PLAGL1: variants seen among roughly 807,000 people sequenced by gnomAD.
The protein encoded by PLAGL1 is PLAG1 like zinc finger 1.
A neutral mutation model predicts 4.6 loss-of-function variants in PLAGL1; 1 was observed. The observed-to-expected ratio is 0.22, with a 90% CI of 0.08 to 1.03. PLAGL1 has a LOEUF of 1.03. PLAGL1 is among the 50% of genes least tolerant of loss of function. PLAGL1 has a pLI of 0.58. For synonymous variants in PLAGL1, 240 were observed against 237.8 expected, an observed-to-expected ratio of 1.01 and a Z score of -0.08; for missense variants, 464 against 570.4, an observed-to-expected ratio of 0.81 and a Z score of 1.90.
chr6:143,996,515 G>A (rs1172037392), intron 1 of PLAGL1, among the ~76,000 whole-genome samples: 1 of 152,078 alleles, frequency 6.6e-6, no homozygotes, highest in East Asian at 1.9e-4. Flanking sequence ...GTCCCTTGAA[G>A]ATAAAGGTTG....
rs1180311586 is a variant in PLAGL1 at position 143,952,140 on chromosome 6, TACA to T, written c.-324-3683_-324-3681del. Among the ~76,000 whole-genome samples, 3 of 152,196 alleles carry T rather than the reference TACA, an allele frequency of 2.0e-5. No individual in the cohort carries two copies. The highest frequency in any genetic ancestry group is 4.4e-5 in the Non-Finnish European group (3 of 68,040). On this transcript the variant is annotated intron_variant, in intron 6 of 7. Transcript: ENST00000674357. The surrounding 1 kb of genome is among the most constrained non-coding windows in gnomAD (Gnocchi z 6.1). ...AACAACAACAACAACTGTGGGTATA[TACA>T]ACATCTCTCATCACCACGCACTTGA... is the stretch of plus-strand genomic sequence containing the variant.
At chr6:143,944,081 G>A (rs1583033493) in intron 7 of PLAGL1, among the ~76,000 whole-genome samples, 1 of 152,312 alleles carries the variant, frequency 6.6e-6, no homozygotes, top group East Asian at 1.9e-4. Flanking sequence ...TAGGGGTTTT[G>A]TCACGAGAGG....
Position 144,027,291 on chromosome 6 carries a change from G to GAAAGAAAGAAAGAAAGAA in PLAGL1, c.-151+37176_-151+37177insTTCTTTCTTTCTTTCTTT, listed in dbSNP as rs1562587706. On this transcript the variant is annotated intron_variant, in intron 1 of 3. Transcript: ENST00000437412. The surrounding 1 kb of genome is among the most constrained non-coding windows in gnomAD (Gnocchi z 5.8). ...AGAAAGAAAGAAAGAAAGAAAGAAAGAAAGTTATTTGATCTGAAGTACAAT... is the reference window on the plus strand; with the variant it reads ...AGAAAGAAAGAAAGAAAGAAAGAAAGAAAGAAAGAAAGAAAGAAAAAGTTATTTGATCTGAAGTACAAT... Among the ~76,000 whole-genome samples the GAAAGAAAGAAAGAAAGAA allele has an allele frequency of 2.0e-5, 3 of 147,820 alleles. No homozygotes were observed. The highest frequency in any genetic ancestry group is 7.4e-5 in the African/African-American group (3 of 40,504).
At chr6:144,049,609 A>T (rs1002702607) in intron 1 of PLAGL1, among the ~76,000 whole-genome samples, 1 of 152,002 alleles carries the variant, frequency 6.6e-6, no homozygotes, top group African/African-American at 2.4e-5. Context: ...AAACCATCAG[A>T]TCTTGTGAGA....
At chr6:144,060,066 T>TTTTTTTTTTTTTTG (rs1562622602) in intron 1 of PLAGL1, among the ~76,000 whole-genome samples, 1 of 151,520 alleles carries the variant, frequency 6.6e-6, no homozygotes, top group African/African-American at 2.4e-5. Flanking sequence ...TTTTTTTTTT[T>TTTTTTTTTTTTTTG]AAATAGGGTC....
Position 143,945,454 on chromosome 6 carries a change from A to AT in PLAGL1, c.152+2530dup, listed in dbSNP as rs1779543968. Among the ~76,000 whole-genome samples the AT allele has an allele frequency of 1.3e-5, 2 of 151,986 alleles. No individual in the cohort carries two copies. The highest frequency in any genetic ancestry group is 6.5e-5 in the Admixed American group (1 of 15,280). On this transcript the variant is annotated intron_variant, in intron 7 of 7. Coordinates refer to ENST00000674357, the MANE Select transcript of PLAGL1 (RefSeq NM_001317162.2). The surrounding 1 kb of genome is among the most constrained non-coding windows in gnomAD (Gnocchi z 4.2). ...TGTTTTCTGGTTAAGCAAGTCAGTTATTTTTTCCTTCAACCTCTGTTGCCT... is the reference window on the plus strand; with the variant it reads ...TGTTTTCTGGTTAAGCAAGTCAGTTATTTTTTTCCTTCAACCTCTGTTGCCT...
rs1264511719 is a variant in PLAGL1, at chr6:144,000,247, A to C, written c.-584+7843T>G. ...CCCATGATCAGTACCACTATTCTTC[A>C]TTGTACTGGTTGTCCTAGCCAGTGA... On this transcript the variant is annotated intron_variant, in intron 1 of 7. Transcript: ENST00000674357. This position sits in a 1 kb window ranked among gnomAD's most constrained non-coding sequence, Gnocchi z 4.1. 6.6e-6 allele frequency among the ~76,000 whole-genome samples: 1 copy of C among 152,188 alleles called. No individual in the cohort carries two copies. Among genetic ancestry groups the C allele is most frequent in the African/African-American group, 2.4e-5 (1 of 41,458 alleles).
At position 144,053,204 on chromosome 6, in the gene PLAGL1, G is replaced by T. The variant is rs1353102601; in HGVS notation, c.-151+11264C>A. On this transcript the variant is annotated intron_variant, in intron 1 of 3. Transcript: ENST00000437412. The surrounding 1 kb of genome is among the most constrained non-coding windows in gnomAD (Gnocchi z 4.0). ...GGCTGGAGTGCAGTGGCGCAATTTT[G>T]GCTTACTGCAACCTCTGCCTCCCGG... is the stretch of plus-strand genomic sequence containing the variant. Among the ~76,000 whole-genome samples the T allele has an allele frequency of 6.6e-6, 1 of 152,090 alleles. No individual in the cohort carries two copies. The highest frequency in any genetic ancestry group is 2.4e-5 in the African/African-American group (1 of 41,400).
At position 143,942,936 on chromosome 6, in the gene PLAGL1, G is replaced by T. The variant is rs1253096810; in HGVS notation, c.153-273C>A. ...GCTGGAGTGCAGTGGCACGATCATGGCTCACTGCAGCCTCAACGTCCTGGG... is the reference window on the plus strand; with the variant it reads ...GCTGGAGTGCAGTGGCACGATCATGTCTCACTGCAGCCTCAACGTCCTGGG... On this transcript the variant is annotated intron_variant, in intron 7 of 7. Coordinates refer to ENST00000674357, the MANE Select transcript of PLAGL1 (RefSeq NM_001317162.2). This position sits in a 1 kb window ranked among gnomAD's most constrained non-coding sequence, Gnocchi z 7.6. 1.3e-5 allele frequency among the ~76,000 whole-genome samples: 2 copies of T among 151,842 alleles called. No individual in the cohort carries two copies. Among genetic ancestry groups the T allele is most frequent in the Non-Finnish European group, 2.9e-5 (2 of 68,000 alleles).
In PLAGL1 at chr6:144,039,671, G is replaced by A. The variant is rs778035603; in HGVS notation, c.-151+24797C>T. 1.3e-5 allele frequency among the ~76,000 whole-genome samples: 2 copies of A among 152,146 alleles called. No individual in the cohort carries two copies. Among genetic ancestry groups the A allele is most frequent in the African/African-American group, 4.8e-5 (2 of 41,438 alleles). Reference sequence around the variant, plus strand: ...CAAGGAGAGATTTACACTTCTGATAGGGGTATTAAATAGCACAACCACTTT... The same window carrying A: ...CAAGGAGAGATTTACACTTCTGATAAGGGTATTAAATAGCACAACCACTTT... On this transcript the variant is annotated intron_variant, in intron 1 of 3. Transcript: ENST00000437412. The surrounding 1 kb of genome is among the most constrained non-coding windows in gnomAD (Gnocchi z 4.1).
At chr6:144,001,640 T>C (rs1033712335) in intron 1 of PLAGL1, among the ~76,000 whole-genome samples, 2 of 152,012 alleles carry the variant, frequency 1.3e-5, no homozygotes, top group African/African-American at 2.4e-5. Context: ...TCCTAACAAA[T>C]AGACCATGGA....
intron 3 of PLAGL1, chr6:143,967,641 G>A (rs1238463737): frequency 6.6e-6 from 1 of 152,142 alleles, no homozygotes; most frequent in East Asian, 1.9e-4. Context: ...TAGTCCTACA[G>A]GTGCCATAAA....
At chr6:144,025,870 G>A (rs1447870841) in intron 1 of PLAGL1, among the ~76,000 whole-genome samples, 1 of 152,180 alleles carries the variant, frequency 6.6e-6, no homozygotes, top group Non-Finnish European at 1.5e-5. Flanking sequence ...TCCAGCCTGG[G>A]TGACAGAGCA....
rs1324611374 is a variant in PLAGL1, at chr6:144,040,817, C to T, written c.-151+23651G>A. 2.0e-5 allele frequency among the ~76,000 whole-genome samples: 3 copies of T among 152,152 alleles called. No individual in the cohort carries two copies. In the East Asian group the frequency reaches 5.8e-4, roughly 29 times the overall value. On this transcript the variant is annotated intron_variant, in intron 1 of 3. Transcript: ENST00000437412. Reference sequence around the variant, plus strand: ...GAACCTGGGAGGTGGAGGTTGCATGCAGTGAGCTGAGATCAGACCACTGCA... The same window carrying T: ...GAACCTGGGAGGTGGAGGTTGCATGTAGTGAGCTGAGATCAGACCACTGCA...
rs1554277699 is a variant in PLAGL1, at chr6:144,027,242, A to AGAAC, written c.-151+37225_-151+37226insGTTC. On this transcript the variant is annotated intron_variant, in intron 1 of 3. Transcript: ENST00000437412. This position sits in a 1 kb window ranked among gnomAD's most constrained non-coding sequence, Gnocchi z 5.8. ...CCAACTCAAAGAACGAACGAAAGAA[A>AGAAC]GAAAGAAAGAAAGAAAGAAAGAAAG... Among the ~76,000 whole-genome samples, 8 of 86,162 alleles carry AGAAC rather than the reference A, an allele frequency of 9.3e-5. No individual in the cohort carries two copies. Among genetic ancestry groups the AGAAC allele is most frequent in the South Asian group, 7.4e-4 (2 of 2,686 alleles). 56.5% of individuals were successfully genotyped at this position (86,162 alleles called of 152,430 possible). A position where few individuals can be genotyped will look rare whatever the true frequency, so the allele number is the denominator to read the frequency against.
At position 143,957,492 on chromosome 6, in the gene PLAGL1, T is replaced by A. The variant is rs1201604080; in HGVS notation, c.-325+2977A>T. 2.0e-5 allele frequency among the ~76,000 whole-genome samples: 3 copies of A among 152,234 alleles called. No individual in the cohort carries two copies. Among genetic ancestry groups the A allele is most frequent in the Non-Finnish European group, 4.4e-5 (3 of 68,042 alleles). On this transcript the variant is annotated intron_variant, in intron 6 of 7. Transcript: ENST00000674357. The surrounding 1 kb of genome is among the most constrained non-coding windows in gnomAD (Gnocchi z 4.2). Reference sequence around the variant, plus strand: ...CCCTTTTAGGGTCTGCTTCTATAGCTGATGGCGGTGATCTCTTTTCCTGGG... The same window carrying A: ...CCCTTTTAGGGTCTGCTTCTATAGCAGATGGCGGTGATCTCTTTTCCTGGG...
intron 1 of PLAGL1, among the ~76,000 whole-genome samples, chr6:143,988,828 C>T (rs1251030238): frequency 6.6e-6 from 1 of 152,156 alleles, no homozygotes; most frequent in East Asian, 1.9e-4. Flanking sequence ...AGGCACTAAT[C>T]CCATTCCTGA....
intron 7 of PLAGL1, among the ~76,000 whole-genome samples, chr6:143,943,717 C>A (rs1583030373): frequency 6.6e-6 from 1 of 151,974 alleles, no homozygotes; most frequent in South Asian, 2.1e-4. Flanking sequence ...GCTGCTACTT[C>A]TAATAAGAGT....
chr6:144,037,470 C>T (rs7743691), intron 1 of PLAGL1: 68,258 of 149,198 alleles, frequency 0.46, 16,245 homozygotes, highest in Non-Finnish European at 0.55. Context: ...CACCTGTAGT[C>T]CCAGCTACTT....
Sources: gnomAD v4.1 joint callset for allele counts (sites outside exome capture counted in the v4.1 genomes callset) on GRCh38, gnomAD v4.1.1 for gene constraint, Gnocchi (gnomAD v3.1) non-coding constraint, MANE v1.5 for transcripts, NCBI Gene and HGNC (gene_info 2026-07-23, HGNC 2026-07-21) for gene names.